CSMD2: variants seen among roughly 807,000 people sequenced by gnomAD.
CSMD2 encodes CUB and Sushi multiple domains 2.
A neutral mutation model predicts 398.5 loss-of-function variants in CSMD2; 130 were observed. The observed-to-expected ratio is 0.33, with a 90% CI of 0.28 to 0.38. CSMD2 has a LOEUF of 0.38. Among genes scored for constraint, CSMD2 ranks in the 10% least tolerant of loss-of-function variants. The pLI is 1.00. For missense variants in CSMD2, 3,829 were observed against 4,764.9 expected (o/e 0.80, Z 5.78); for synonymous variants, 1,828 against 1,908.5 (o/e 0.96, Z 1.10).
At position 33,608,016 on chromosome 1, in the gene CSMD2, C is replaced by T. The variant is rs187931725; in HGVS notation, c.6344-2546G>A. Among the ~76,000 whole-genome samples the T allele has an allele frequency of 2.2e-3, 329 of 152,292 alleles. 2 individuals carry two copies. Among genetic ancestry groups the T allele is most frequent in the African/African-American group, 7.2e-3 (299 of 41,560 alleles). On this transcript the variant is annotated intron_variant, in intron 41 of 70. Coordinates refer to ENST00000373381, the MANE Select transcript of CSMD2 (RefSeq NM_001281956.2). ...TGCAAACCTCAGTGGGAGAGACAGG[C>T]CCATCCCAGGGAGGGACACTAGTCC...
At chr1:33,830,393 G>C in intron 6 of CSMD2, among the ~76,000 whole-genome samples, 1 of 152,200 alleles carries the variant, frequency 6.6e-6, no homozygotes, top group Non-Finnish European at 1.5e-5. Context: ...TGATACCCAG[G>C]CAAACAGGGT....
At chr1:33,750,655 G>A (rs1648096299) in intron 13 of CSMD2, among the ~76,000 whole-genome samples, 2 of 152,152 alleles carry the variant, frequency 1.3e-5, no homozygotes, top group African/African-American at 4.8e-5. Context: ...GATCAACAGA[G>A]CTGGAAAAGA....
intron 15 of CSMD2, among the ~76,000 whole-genome samples, chr1:33,734,832 C>T (rs911491087): frequency 1.3e-5 from 2 of 152,026 alleles, no homozygotes; most frequent in African/African-American, 4.8e-5. Flanking sequence ...TACACACTCA[C>T]TGTAGATAAT....
At chr1:33,610,439 T>TG (rs1640918220) in intron 41 of CSMD2, among the ~76,000 whole-genome samples, 2 of 152,262 alleles carry the variant, frequency 1.3e-5, no homozygotes, top group African/African-American at 4.8e-5. Context: ...AGGTGATGGA[T>TG]GGTCTACAAC....
chr1:33,822,725 G>A (rs1231039226), intron 7 of CSMD2, among the ~76,000 whole-genome samples: 3 of 152,138 alleles, frequency 2.0e-5, no homozygotes, highest in Non-Finnish European at 2.9e-5. Context: ...GTAATGGAAC[G>A]GAGATAACTA....
At position 33,537,534 on chromosome 1, in the gene CSMD2, A is replaced by G; in HGVS notation, c.9707T>C (p.Val3236Ala). 6.2e-7 allele frequency: 1 copy of G among 1,614,178 alleles called. No individual in the cohort carries two copies. Among genetic ancestry groups the G allele is most frequent in the South Asian group, 1.1e-5 (1 of 91,084 alleles). ...CAGAGGGGGATGGCAGGAGAAGGAG[A>G]CAGATGACCTGTAGGAGAAGCCTCG... ...EDRGFSYRSS[V>A]SFSCHPPLVL... The change falls in exon 61 of 71, where the codon GTC becomes GCC. Residue 3236 changes from valine to alanine, a missense_variant. Around this residue, in one of 5 missense-constraint regions of CSMD2, gnomAD observed 917 missense variants for 1,199.5 expected, o/e 0.76. Transcript: ENST00000373381. The surrounding 1 kb of genome is among the most constrained non-coding windows in gnomAD (Gnocchi z 4.6).
chr1:34,005,626 G>A (rs768964911), intron 3 of CSMD2, among the ~76,000 whole-genome samples: 12 of 152,278 alleles, frequency 7.9e-5, no homozygotes, highest in Admixed American at 3.3e-4. Context: ...TGCACTCACC[G>A]GTTTGGTATA....
At chr1:33,943,452 T>C (rs969084155) in intron 3 of CSMD2, among the ~76,000 whole-genome samples, 6 of 152,230 alleles carry the variant, frequency 3.9e-5, no homozygotes, top group Admixed American at 1.3e-4. Flanking sequence ...GAACACATCT[T>C]GATTGACTAT....
chr1:33,934,077 A>G (rs567931408), intron 4 of CSMD2, among the ~76,000 whole-genome samples: 11 of 152,312 alleles, frequency 7.2e-5, no homozygotes, highest in Non-Finnish European at 1.3e-4. Context: ...TGTCAATAAC[A>G]AAAAGTGTGT....
chr1:34,057,451 G>A (rs1179045180), intron 2 of CSMD2, among the ~76,000 whole-genome samples: 5 of 152,022 alleles, frequency 3.3e-5, no homozygotes, highest in Admixed American at 6.6e-5. Flanking sequence ...TGGTGGAGGC[G>A]ATGCCCTGGC....
chr1:33,895,219 G>T (rs184414312), intron 5 of CSMD2, among the ~76,000 whole-genome samples: 2 of 152,280 alleles, frequency 1.3e-5, no homozygotes, highest in East Asian at 3.9e-4. Flanking sequence ...AGAAACCGAG[G>T]CTCAGAGAGG....
chr1:34,160,181 G>T (rs1449987151), intron 1 of CSMD2, among the ~76,000 whole-genome samples: 1 of 152,156 alleles, frequency 6.6e-6, no homozygotes, highest in African/African-American at 2.4e-5. Context: ...CCTGCAATTT[G>T]GTCCTCCAGT....
chr1:33,747,910 G>A (rs1250512341), intron 13 of CSMD2, among the ~76,000 whole-genome samples: 2 of 152,188 alleles, frequency 1.3e-5, no homozygotes, highest in Non-Finnish European at 2.9e-5. Flanking sequence ...AGAACTACTG[G>A]TGGAGGCAAA....
intron 2 of CSMD2, among the ~76,000 whole-genome samples, chr1:34,036,516 G>A (rs1228554884): frequency 6.6e-6 from 1 of 152,192 alleles, no homozygotes; most frequent in Non-Finnish European, 1.5e-5. Flanking sequence ...ATTAGGAATC[G>A]TAAGAGGAAG....
chr1:33,829,273 T>C (rs10914789), intron 6 of CSMD2, among the ~76,000 whole-genome samples: 97,066 of 152,070 alleles, frequency 0.64, 31,543 homozygotes, highest in East Asian at 0.94. Context: ...AGCTGATTGA[T>C]GGGTCATGTA....
rs148445270 is a variant in CSMD2, at chr1:33,580,790, G to A, written c.7350C>T (p.His2450=). The A allele has an allele frequency of 5.8e-5, 93 of 1,614,134 alleles. No homozygotes were observed. Among genetic ancestry groups the A allele is most frequent in the Admixed American group, 1.5e-4 (9 of 60,028 alleles). ...NSVYLRWSSD[H]AYNRKGFKIR... ...TCTTGAAGCCCTTCCGATTGTAGGC[G>A]TGATCAGATGACCAACGCAGGTACA... Residue 2450 remains histidine (H), a synonymous_variant, in exon 48 of 71, where the codon CAC becomes CAT. Coordinates refer to ENST00000373381, the MANE Select transcript of CSMD2 (RefSeq NM_001281956.2).
intron 1 of CSMD2, among the ~76,000 whole-genome samples, chr1:34,114,400 C>A (rs1364025269): frequency 6.6e-6 from 1 of 151,508 alleles, no homozygotes; most frequent in African/African-American, 2.4e-5. Flanking sequence ...CATGGCTCAA[C>A]TAAAGGAAGA....
intron 2 of CSMD2, among the ~76,000 whole-genome samples, chr1:34,076,355 A>C (rs1266423590): frequency 6.6e-6 from 1 of 152,258 alleles, no homozygotes; most frequent in Non-Finnish European, 1.5e-5. Flanking sequence ...TGAACCTCTC[A>C]AATCAATCCA....
chr1:33,780,375 A>G (rs974142668), intron 12 of CSMD2, among the ~76,000 whole-genome samples: 1 of 152,132 alleles, frequency 6.6e-6, no homozygotes, highest in Admixed American at 6.5e-5. Flanking sequence ...GAGACCCCAC[A>G]TCTGTATGTG....
Sources: allele counts gnomAD v4.1 joint callset (sites outside exome capture counted in the v4.1 genomes callset), GRCh38; gene constraint gnomAD v4.1.1; regional missense constraint gnomAD v4.1.1; non-coding constraint Gnocchi (gnomAD v3.1); transcripts MANE v1.5; gene names NCBI Gene and HGNC (gene_info 2026-07-23, HGNC 2026-07-21).